EHBP1: variants seen among roughly 807,000 people sequenced by gnomAD.
EHBP1 encodes the protein EH domain-binding protein 1.
Under a neutral mutation model 144.0 loss-of-function variants are expected in EHBP1, and 55 were observed. The ratio of observed to expected loss-of-function variants is 0.38; its 90% CI spans 0.31 to 0.48. The LOEUF (loss-of-function observed/expected upper bound fraction) is 0.48, where lower values mean the gene tolerates loss of function less well. EHBP1 is among the 20% of genes least tolerant of loss of function. The pLI is 0.98. For missense variants in EHBP1, 1,200 were observed against 1,364.2 expected, an observed-to-expected ratio of 0.88 and a Z score of 1.90; for synonymous variants, 469 against 472.7, an observed-to-expected ratio of 0.99 and a Z score of 0.10.
intron 14 of EHBP1, among the ~76,000 whole-genome samples, chr2:62,962,001 C>T (rs919571240): frequency 6.6e-6 from 1 of 152,088 alleles, no homozygotes; most frequent in Non-Finnish European, 1.5e-5. Context: ...ACACTCCAGC[C>T]TGGGCAACAG....
At chr2:62,938,008 A>C (rs2056496272) in intron 10 of EHBP1, among the ~76,000 whole-genome samples, 1 of 152,180 alleles carries the variant, frequency 6.6e-6, no homozygotes, top group Non-Finnish European at 1.5e-5. Flanking sequence ...AAAACCTTAC[A>C]AAATATGAGC....
chr2:62,930,795 C>T lies in EHBP1; in HGVS notation c.1186-11923C>T, dbSNP rs190507250. On this transcript the variant is annotated intron_variant, in intron 10 of 22. Coordinates refer to ENST00000431489, the MANE Select transcript of EHBP1 (RefSeq NM_001142616.3). ...AATGGAGAAAAGACCATTTTTTCAA[C>T]AAATAATATTGGAAAATTAGATGTC... is the stretch of plus-strand genomic sequence containing the variant. Among the ~76,000 whole-genome samples, 30 of 152,100 alleles carry T rather than the reference C, an allele frequency of 2.0e-4. No individual in the cohort carries two copies. In the East Asian group the frequency reaches 5.6e-3, roughly 28 times the overall value.
chr2:62,949,202 A>T lies in EHBP1; in HGVS notation c.2316+40A>T, dbSNP rs1246878201. On this transcript the variant is annotated intron_variant, in intron 13 of 22. Coordinates refer to ENST00000431489, the MANE Select transcript of EHBP1 (RefSeq NM_001142616.3). Reference sequence around the variant, plus strand: ...ATGCTGAATACTATATTTAGTAATTAGTTATTCTCTGTTTTTGTTTCTTTT... The same window carrying T: ...ATGCTGAATACTATATTTAGTAATTTGTTATTCTCTGTTTTTGTTTCTTTT... 5 of 1,460,370 alleles carry T rather than the reference A, an allele frequency of 3.4e-6. No individual in the cohort carries two copies. The South Asian group carries it at 7.2e-5, about 21-fold the overall frequency. The allele number at this position is 1,460,370 out of a possible 1,614,324, so 90.5% of individuals were successfully genotyped here. A position where few individuals can be genotyped will look rare whatever the true frequency, so the allele number is the denominator to read the frequency against.
rs1173049659 is a variant in EHBP1 at position 62,690,881 on chromosome 2, G to T, written c.-295-16016G>T. Among the ~76,000 whole-genome samples the T allele has an allele frequency of 6.2e-4, 95 of 152,206 alleles. 1 individual carries two copies. Among genetic ancestry groups the T allele is most frequent in the Admixed American group, 6.2e-3 (94 of 15,274 alleles). ...TGAAACCTGCAGTGTTTAGAATTTT[G>T]TCACTGATCTTAGCTGATATGAAAA... On this transcript the variant is annotated intron_variant, in intron 1 of 22. Coordinates refer to the EHBP1 transcript ENST00000405015.
intron 13 of EHBP1, among the ~76,000 whole-genome samples, chr2:62,950,484 A>G (rs969782295): frequency 8.5e-5 from 13 of 152,168 alleles, no homozygotes; most frequent in Non-Finnish European, 2.9e-5. Context: ...ATTATTTTCT[A>G]TTAAAATGTG....
At chr2:62,797,525 T>C (rs1436798319) in intron 5 of EHBP1, among the ~76,000 whole-genome samples, 2 of 152,226 alleles carry the variant, frequency 1.3e-5, no homozygotes, top group African/African-American at 4.8e-5. Flanking sequence ...ACTGTGTTAA[T>C]GAATAAATAA....
At chr2:63,022,637 G>A (rs1574508580) in intron 19 of EHBP1, among the ~76,000 whole-genome samples, 1 of 152,072 alleles carries the variant, frequency 6.6e-6, no homozygotes, top group Non-Finnish European at 1.5e-5. Flanking sequence ...TCTTCCAGTG[G>A]ATGGTAGATT....
chr2:62,954,636 A>G lies in EHBP1; in HGVS notation c.2317-881A>G, dbSNP rs561333594. ...CCACAAAGAAGCCCAAAAATGCTGAACTAATCTTAAAAAAGATGGTTTCAC... is the reference window on the plus strand; with the variant it reads ...CCACAAAGAAGCCCAAAAATGCTGAGCTAATCTTAAAAAAGATGGTTTCAC... On this transcript the variant is annotated intron_variant, in intron 13 of 22. Coordinates refer to ENST00000431489, the MANE Select transcript of EHBP1 (RefSeq NM_001142616.3). Among the ~76,000 whole-genome samples the G allele has an allele frequency of 3.3e-5, 5 of 152,286 alleles. No homozygotes were observed. In the South Asian group the frequency reaches 8.3e-4, roughly 25 times the overall value.
At chr2:62,737,955 A>G (rs1218362274) in intron 2 of EHBP1, among the ~76,000 whole-genome samples, 2 of 151,936 alleles carry the variant, frequency 1.3e-5, no homozygotes, top group Non-Finnish European at 1.5e-5. Context: ...TGTAGAGACA[A>G]GGTCTCACTA....
chr2:62,936,012 T>C (rs185522226), intron 10 of EHBP1, among the ~76,000 whole-genome samples: 2 of 152,326 alleles, frequency 1.3e-5, no homozygotes, highest in African/African-American at 4.8e-5. Context: ...AGACGTGTTA[T>C]CCTTTTTTAA....
At chr2:62,730,862 G>A (rs62179269) in intron 2 of EHBP1, among the ~76,000 whole-genome samples, 11 of 2,282 alleles carry the variant, frequency 4.8e-3, no homozygotes, top group Middle Eastern at 0.17. Flanking sequence ...AGACAGACAG[G>A]CAGACAGGCA....
At chr2:63,003,698 T>C (rs2059929121) in intron 19 of EHBP1, among the ~76,000 whole-genome samples, 1 of 152,094 alleles carries the variant, frequency 6.6e-6, no homozygotes, top group African/African-American at 2.4e-5. Context: ...ATTGCCCTGA[T>C]GATGCTCATG....
chr2:62,767,668 C>T (rs768975651), intron 4 of EHBP1, among the ~76,000 whole-genome samples: 20 of 151,726 alleles, frequency 1.3e-4, no homozygotes, highest in Admixed American at 3.9e-4. Flanking sequence ...AACCCTGTCT[C>T]TTTTGAAAAT....
intron 19 of EHBP1, among the ~76,000 whole-genome samples, chr2:63,025,023 C>T (rs1043924928): frequency 1.3e-5 from 2 of 151,824 alleles, no homozygotes; most frequent in Admixed American, 1.3e-4. Flanking sequence ...GAATGCCATT[C>T]TAGAAAAAAG....
At chr2:62,764,143 C>T (rs2040983020) in intron 3 of EHBP1, 123 bp from the exon 4 acceptor site, 3 of 679,592 alleles carry the variant, frequency 4.4e-6, no homozygotes, top group African/African-American at 1.9e-5. Flanking sequence ...GTCAATATAC[C>T]ATTGTAAATT....
intron 10 of EHBP1, among the ~76,000 whole-genome samples, chr2:62,927,131 GC>G (rs976205793): frequency 6.6e-6 from 1 of 152,154 alleles, no homozygotes; most frequent in Non-Finnish European, 1.5e-5. Flanking sequence ...AAATGTGGAA[GC>G]TAAAAGTAAA....
intron 15 of EHBP1, among the ~76,000 whole-genome samples, chr2:62,980,814 A>G (rs1035067237): frequency 2.7e-5 from 4 of 149,202 alleles, no homozygotes; most frequent in African/African-American, 9.8e-5. Context: ...CCCTATTGCT[A>G]CCAAATATAT....
chr2:62,720,752 T>C (rs1201726043), intron 2 of EHBP1, among the ~76,000 whole-genome samples: 1 of 152,148 alleles, frequency 6.6e-6, no homozygotes, highest in Non-Finnish European at 1.5e-5. Flanking sequence ...AATCTTTTGG[T>C]TTCCCTGGGT....
intron 10 of EHBP1, among the ~76,000 whole-genome samples, chr2:62,928,092 G>A (rs913945594): frequency 2.6e-5 from 4 of 152,298 alleles, no homozygotes; most frequent in African/African-American, 9.6e-5. Flanking sequence ...TGAAAGCAGT[G>A]TTTAGGGGGA....
Sources: allele counts gnomAD v4.1 joint callset (sites outside exome capture counted in the v4.1 genomes callset), GRCh38; gene constraint gnomAD v4.1.1; transcripts MANE v1.5; gene names NCBI Gene and HGNC (gene_info 2026-07-23, HGNC 2026-07-21).